The following MALRD1 variants were observed in gnomAD, a reference collection of about 807,000 sequenced individuals.
MALRD1 encodes MAM and LDL receptor class A domain containing 1.
In MALRD1, 247 loss-of-function variants were observed where a neutral mutation model predicts 242.1. The observed-to-expected ratio is 1.02, with a 90% confidence interval of 0.92 to 1.13. MALRD1 has a LOEUF of 1.13. Among genes scored for constraint, MALRD1 ranks in the 50% most tolerant of loss-of-function variants. The pLI is 0.00. For missense variants in MALRD1, 2,989 were observed against 2,533.1 expected, an observed-to-expected ratio of 1.18 and a Z score of -3.86; for synonymous variants, 995 against 866.6, an observed-to-expected ratio of 1.15 and a Z score of -2.60.
intron 31 of MALRD1, among the ~76,000 whole-genome samples, chr10:19,504,715 G>A (rs1260246195): frequency 7.6e-5 from 9 of 118,692 alleles, no homozygotes; most frequent in South Asian, 2.7e-4. Flanking sequence ...TCGCTCTGTC[G>A]CCCAGGCCGG....
intron 32 of MALRD1, among the ~76,000 whole-genome samples, chr10:19,560,896 C>T (rs189636671): frequency 1.1e-4 from 17 of 151,870 alleles, no homozygotes; most frequent in African/African-American, 2.2e-4. Context: ...CACCATGGCA[C>T]GTGTATACCT....
chr10:19,126,841 G>C (rs1837299157), intron 7 of MALRD1, among the ~76,000 whole-genome samples: 1 of 152,012 alleles, frequency 6.6e-6, no homozygotes, highest in African/African-American at 2.4e-5. Context: ...GTGGTTGGCT[G>C]CACCTGTCAA....
intron 28 of MALRD1, among the ~76,000 whole-genome samples, chr10:19,392,055 G>A (rs1007199678): frequency 6.6e-6 from 1 of 152,204 alleles, no homozygotes; most frequent in Non-Finnish European, 1.5e-5. Flanking sequence ...TTAAAAGCAT[G>A]TGCCATTGAA....
At chr10:19,357,249 A>G (rs1844680262) in intron 26 of MALRD1, among the ~76,000 whole-genome samples, 1 of 152,164 alleles carries the variant, frequency 6.6e-6, no homozygotes, top group Non-Finnish European at 1.5e-5. Flanking sequence ...TCTGAAACAC[A>G]GTTTCCTCTT....
chr10:19,232,794 C>A (rs1838141245), intron 18 of MALRD1, among the ~76,000 whole-genome samples: 1 of 152,028 alleles, frequency 6.6e-6, no homozygotes, highest in African/African-American at 2.4e-5. Flanking sequence ...TGACAATGCT[C>A]AACAGAATAT....
At chr10:19,176,803 C>T (rs1027389818) in intron 14 of MALRD1, among the ~76,000 whole-genome samples, 2 of 149,694 alleles carry the variant, frequency 1.3e-5, no homozygotes, top group Non-Finnish European at 3.0e-5. Flanking sequence ...CATGTGTGCG[C>T]GTGTCTGCCT....
At chr10:19,131,647 C>T (rs1313457123) in intron 8 of MALRD1, among the ~76,000 whole-genome samples, 2 of 151,990 alleles carry the variant, frequency 1.3e-5, no homozygotes, top group Non-Finnish European at 2.9e-5. Context: ...AGTAGTGAAA[C>T]TCAACAACAT....
In MALRD1 at chr10:19,203,726, A is replaced by C; in HGVS notation, c.1952-2A>C. The C allele has an allele frequency of 5.9e-6, 9 of 1,524,104 alleles. No homozygotes were observed. The highest frequency in any genetic ancestry group is 8.0e-6 in the Non-Finnish European group (9 of 1,130,986). 94.4% of individuals were successfully genotyped at this position (1,524,104 alleles called of 1,614,324 possible). A position where few individuals can be genotyped will look rare whatever the true frequency, so the allele number is the denominator to read the frequency against. Reference sequence around the variant, plus strand: ...CATAAGAGCCACATTTTTGTTCTTCAGTTTCCAAGTGTGACTTTGAAGCAA... The same window carrying C: ...CATAAGAGCCACATTTTTGTTCTTCCGTTTCCAAGTGTGACTTTGAAGCAA... On this transcript the variant is annotated splice_acceptor_variant, in intron 14 of 39. Transcript: ENST00000454679. LOFTEE classifies it high-confidence loss of function.
At chr10:19,448,476 T>G (rs1191202845) in intron 28 of MALRD1, among the ~76,000 whole-genome samples, 2 of 151,928 alleles carry the variant, frequency 1.3e-5, no homozygotes, top group African/African-American at 4.9e-5. Flanking sequence ...TTATGATTTG[T>G]TAAATCATCT....
At chr10:19,068,451 T>C (rs1204780954) in intron 2 of MALRD1, among the ~76,000 whole-genome samples, 2 of 152,046 alleles carry the variant, frequency 1.3e-5, no homozygotes, top group Admixed American at 1.3e-4. Flanking sequence ...TCAGACTAGA[T>C]GGGTTTGAAT....
At chr10:19,556,274 G>A (rs1835713048) in intron 32 of MALRD1, among the ~76,000 whole-genome samples, 1 of 152,052 alleles carries the variant, frequency 6.6e-6, no homozygotes, top group African/African-American at 2.4e-5. Flanking sequence ...TACAATTGAT[G>A]AGCCAATATG....
chr10:19,673,771 A>C (rs985148930), intron 36 of MALRD1, among the ~76,000 whole-genome samples: 1 of 152,114 alleles, frequency 6.6e-6, no homozygotes, highest in Non-Finnish European at 1.5e-5. Flanking sequence ...TTTATGATTT[A>C]TAATGTCTCT....
intron 2 of MALRD1, among the ~76,000 whole-genome samples, chr10:19,069,504 A>T (rs151156158): frequency 2.6e-5 from 4 of 151,956 alleles, no homozygotes; most frequent in Admixed American, 6.6e-5. Flanking sequence ...TCTTCTACCT[A>T]TCTGAGTTTG....
chr10:19,287,947 G>A (rs1285134777), intron 21 of MALRD1, among the ~76,000 whole-genome samples: 1 of 151,874 alleles, frequency 6.6e-6, no homozygotes, highest in Non-Finnish European at 1.5e-5. Context: ...AAACAAGCAG[G>A]GAGAAAGAAT....
In MALRD1 at chr10:19,161,566, AAG is replaced by A. The variant is rs1491072891; in HGVS notation, c.1657-4069_1657-4068del. On this transcript the variant is annotated intron_variant, in intron 12 of 39. Transcript: ENST00000454679. Reference sequence around the variant, plus strand: ...AAAAAAAAGCAAAAAAAAAAAAAAAAAGAAAATTTCCTTTAAAAATGATCAAG... The same window carrying A: ...AAAAAAAAGCAAAAAAAAAAAAAAAAAAAATTTCCTTTAAAAATGATCAAG... 5.5e-3 allele frequency among the ~76,000 whole-genome samples: 802 copies of A among 146,994 alleles called. 6 individuals carry two copies. The highest frequency in any genetic ancestry group is 0.014 in the Middle Eastern group (4 of 286).
intron 24 of MALRD1, among the ~76,000 whole-genome samples, chr10:19,334,843 A>T (rs1230824135): frequency 6.6e-6 from 1 of 152,066 alleles, no homozygotes; most frequent in Non-Finnish European, 1.5e-5. Context: ...GAGCACATAT[A>T]ATGCTTTTGA....
rs779023260 is a variant in MALRD1, at chr10:19,204,939, A to T, written c.2252A>T (p.Gln751Leu). The change falls in exon 17 of 40, where the codon CAG becomes CTG. Residue 751 changes from glutamine to leucine, a missense_variant. Gln to Leu is a moderately radical substitution (Grantham distance 113). Coordinates refer to ENST00000454679, the MANE Select transcript of MALRD1 (RefSeq NM_001142308.3). ...CTGTCAGTGGGAGCAGCTGAGCTGC[A>T]GCTACATATGGAAAATTCTCATGAC... The part of the protein sequence containing the change: ...YGLSVGAAEL[Q>L]LHMENSHDST... 67 of 1,550,176 alleles carry T rather than the reference A, an allele frequency of 4.3e-5. No homozygotes were observed. The African/African-American group carries it at 8.6e-4, about 20-fold the overall frequency.
intron 33 of MALRD1, 120 bp downstream of exon 33, chr10:19,567,823 G>C (rs1451022864): frequency 5.6e-6 from 5 of 889,496 alleles, no homozygotes; most frequent in Non-Finnish European, 8.5e-6. Context: ...TTTACACATG[G>C]AAAAGAGTCA....
intron 17 of MALRD1, among the ~76,000 whole-genome samples, chr10:19,206,746 G>A (rs1836804947): frequency 6.6e-6 from 1 of 152,204 alleles, no homozygotes. Flanking sequence ...TTTATGGAAA[G>A]GTGGAGCTAG....
Sources: gnomAD v4.1 joint callset for allele counts (sites outside exome capture counted in the v4.1 genomes callset) on GRCh38, gnomAD v4.1.1 for gene constraint, MANE v1.5 for transcripts, NCBI Gene and HGNC (gene_info 2026-07-23, HGNC 2026-07-21) for gene names.